Variants in ARID1B observed in about 807,000 individuals in gnomAD.
ARID1B encodes the protein AT-rich interaction domain 1B.
A neutral mutation model predicts 212.3 loss-of-function variants in ARID1B; 30 were observed. The observed-to-expected ratio is 0.14, with a 90% CI of 0.11 to 0.19. ARID1B has a LOEUF of 0.19. Among genes scored for constraint, ARID1B ranks in the 10% least tolerant of loss-of-function variants. The probability of loss-of-function intolerance (pLI) is 1.00; values close to 1 mark genes in which losing one functional copy is unlikely to be tolerated. For synonymous variants in ARID1B, 1,402 were observed against 1,301.7 expected, an observed-to-expected ratio of 1.08 and a Z score of -1.66; for missense variants, 2,891 against 3,204.0, an observed-to-expected ratio of 0.90 and a Z score of 2.36.
At chr6:157,073,393 C>T (rs1237001201) in intron 4 of ARID1B, among the ~76,000 whole-genome samples, 2 of 151,884 alleles carry the variant, frequency 1.3e-5, no homozygotes, top group African/African-American at 4.8e-5. Flanking sequence ...TGTGAGCCAC[C>T]GCGCCTGGCC....
At chr6:156,886,600 C>T (rs1010646142) in intron 2 of ARID1B, among the ~76,000 whole-genome samples, 2 of 152,230 alleles carry the variant, frequency 1.3e-5, no homozygotes, top group East Asian at 3.9e-4. Flanking sequence ...AATGACTGAG[C>T]CTCGTGGGAG....
At chr6:157,073,361 C>T (rs1784105557) in intron 4 of ARID1B, among the ~76,000 whole-genome samples, 1 of 152,074 alleles carries the variant, frequency 6.6e-6, no homozygotes, top group Admixed American at 6.6e-5. Flanking sequence ...GCCTCAGCCT[C>T]CCAAAGTGCT....
chr6:157,148,971 G>A lies in ARID1B; in HGVS notation c.3089+20G>A, dbSNP rs1233283250. ...AAGCAGGTACGCCACCCAGGAGCAC[G>A]CCCCGGGCAGGTACGCTGTGTGTCT... is the stretch of plus-strand genomic sequence containing the variant. On this transcript the variant is annotated intron_variant, in intron 8 of 19. Transcript: ENST00000636930. The surrounding 1 kb of genome is among the most constrained non-coding windows in gnomAD (Gnocchi z 5.6). 9 of 1,598,436 alleles carry A rather than the reference G, an allele frequency of 5.6e-6. No homozygotes were observed. Among genetic ancestry groups the A allele is most frequent in the Middle Eastern group, 1.7e-4 (1 of 6,018 alleles).
At chr6:156,959,041 A>G (rs1375459623) in intron 4 of ARID1B, among the ~76,000 whole-genome samples, 1 of 152,244 alleles carries the variant, frequency 6.6e-6, no homozygotes, top group Non-Finnish European at 1.5e-5. Context: ...TAATAAGATT[A>G]CAGGAAGGTT....
intron 2 of ARID1B, among the ~76,000 whole-genome samples, chr6:156,896,357 A>T (rs521164): frequency 0.19 from 28,145 of 151,824 alleles, 2,873 homozygotes; most frequent in African/African-American, 0.24. Flanking sequence ...CAGGTGGATC[A>T]CCTGAGGTCA....
intron 1 of ARID1B, among the ~76,000 whole-genome samples, chr6:156,814,362 C>T (rs1583090124): frequency 6.6e-6 from 1 of 152,114 alleles, no homozygotes; most frequent in African/African-American, 2.4e-5. Flanking sequence ...ATGATTGCCA[C>T]CGCACTACAG....
intron 6 of ARID1B, among the ~76,000 whole-genome samples, chr6:157,117,275 A>G (rs997068478): frequency 6.6e-6 from 1 of 152,224 alleles, no homozygotes; most frequent in Non-Finnish European, 1.5e-5. Context: ...AATAGTCTTC[A>G]TTATTGAATA....
chr6:156,954,577 A>G (rs1017342001), intron 4 of ARID1B, among the ~76,000 whole-genome samples: 9 of 152,222 alleles, frequency 5.9e-5, no homozygotes, highest in Non-Finnish European at 1.3e-4. Flanking sequence ...CTTGTGATAC[A>G]GAATTTATTA....
At chr6:157,022,064 C>T (rs1562556209) in intron 4 of ARID1B, among the ~76,000 whole-genome samples, 2 of 152,166 alleles carry the variant, frequency 1.3e-5, no homozygotes, top group Admixed American at 6.5e-5. Context: ...GAGTGGCTGA[C>T]GGTGGAAAAG....
intron 4 of ARID1B, among the ~76,000 whole-genome samples, chr6:157,065,320 C>G (rs1013686407): frequency 1.3e-5 from 2 of 152,126 alleles, no homozygotes; most frequent in Non-Finnish European, 2.9e-5. Flanking sequence ...TACTTTGGCT[C>G]TGGGTATTAA....
chr6:157,059,145 CG>C (rs150898975), intron 4 of ARID1B, among the ~76,000 whole-genome samples: 5,002 of 151,156 alleles, frequency 0.033, 271 homozygotes, highest in African/African-American at 0.12. Flanking sequence ...ATTTAAGAGA[CG>C]ATATATTGAT....
chr6:156,957,888 C>G (rs374694003), intron 4 of ARID1B, among the ~76,000 whole-genome samples: 1 of 152,138 alleles, frequency 6.6e-6, no homozygotes, highest in Non-Finnish European at 1.5e-5. Context: ...CTTCCAAGCC[C>G]CCCAAACAAC....
At chr6:157,170,406 G>A (rs915774761) in intron 9 of ARID1B, among the ~76,000 whole-genome samples, 2 of 152,158 alleles carry the variant, frequency 1.3e-5, no homozygotes, top group African/African-American at 2.4e-5. Flanking sequence ...GCCTCATTGC[G>A]AGGGGCTGGT....
Position 157,004,897 on chromosome 6 carries a change from C to CTTTTTTGTTTTTTTTTTTTTTTTTTTTT in ARID1B, c.2247+69327_2247+69328insGTTTTTTTTTTTTTTTTTTTTTTTTTTT, listed in dbSNP as rs1562542228. On this transcript the variant is annotated intron_variant, in intron 4 of 19. Coordinates refer to ENST00000636930, the MANE Select transcript of ARID1B (RefSeq NM_001374828.1). ...TTTTTTCTTTTTCTTCTTCTTTTTTCTTTTTTTTTTTTTTTTTTTTTTTTT... is the reference window on the plus strand; with the variant it reads ...TTTTTTCTTTTTCTTCTTCTTTTTTCTTTTTTGTTTTTTTTTTTTTTTTTTTTTTTTTTTTTTTTTTTTTTTTTTTTTT... 1.3e-4 allele frequency among the ~76,000 whole-genome samples: 7 copies of CTTTTTTGTTTTTTTTTTTTTTTTTTTTT among 54,722 alleles called. 1 individual carries two copies. Among genetic ancestry groups the CTTTTTTGTTTTTTTTTTTTTTTTTTTTT allele is most frequent in the African/African-American group, 3.6e-4 (5 of 13,838 alleles). 35.9% of individuals were successfully genotyped at this position (54,722 alleles called of 152,430 possible). A position where few individuals can be genotyped will look rare whatever the true frequency, so the allele number is the denominator to read the frequency against.
intron 7 of ARID1B, among the ~76,000 whole-genome samples, chr6:157,146,782 G>A (rs2128625940): frequency 6.6e-6 from 1 of 152,332 alleles, no homozygotes; most frequent in African/African-American, 2.4e-5. Context: ...TACATGGATG[G>A]AGAAAGGCTT....
intron 6 of ARID1B, among the ~76,000 whole-genome samples, chr6:157,120,413 T>C (rs193192134): frequency 6.6e-6 from 1 of 152,230 alleles, no homozygotes; most frequent in East Asian, 1.9e-4. Flanking sequence ...GAGGGAGTCG[T>C]TTTGCCAGTT....
At chr6:156,964,760 G>T (rs1031157237) in intron 4 of ARID1B, among the ~76,000 whole-genome samples, 3 of 152,086 alleles carry the variant, frequency 2.0e-5, no homozygotes, top group Non-Finnish European at 4.4e-5. Flanking sequence ...TAACACTAAG[G>T]TTATTATATA....
chr6:156,974,823 G>A (rs1173463117), intron 4 of ARID1B, among the ~76,000 whole-genome samples: 1 of 152,188 alleles, frequency 6.6e-6, no homozygotes, highest in Non-Finnish European at 1.5e-5. Flanking sequence ...CTTTACAGCA[G>A]CACACACTGT....
At chr6:156,813,716 T>G (rs372927950) in intron 1 of ARID1B, among the ~76,000 whole-genome samples, 56 of 152,342 alleles carry the variant, frequency 3.7e-4, no homozygotes, top group African/African-American at 1.3e-3. Context: ...GATTCCAGTT[T>G]GTGTCACTTA....
Sources: allele counts gnomAD v4.1 joint callset (sites outside exome capture counted in the v4.1 genomes callset), GRCh38; gene constraint gnomAD v4.1.1; non-coding constraint Gnocchi (gnomAD v3.1); transcripts MANE v1.5; gene names NCBI Gene and HGNC (gene_info 2026-07-23, HGNC 2026-07-21).